Variants in EEIG2 observed in about 807,000 individuals in gnomAD.
EEIG2 encodes the protein family with sequence similarity 102 member B.
At chr1:108,638,179 A>G in the EEIG2 span, 1 of 152,132 alleles carries the variant, frequency 6.6e-6, no homozygotes, top group African/African-American at 2.4e-5. Context: ...CCCAGGCTCA[A>G]ATGAGCCTCC....
the EEIG2 span, among the ~76,000 whole-genome samples, chr1:108,571,363 C>T: frequency 6.6e-6 from 1 of 151,964 alleles, no homozygotes; most frequent in Non-Finnish European, 1.5e-5. Flanking sequence ...AGCCAGGTTT[C>T]GGTTAGACAA....
chr1:108,601,485 C>T, the EEIG2 span, among the ~76,000 whole-genome samples: 2 of 150,464 alleles, frequency 1.3e-5, no homozygotes, highest in Non-Finnish European at 3.0e-5. Context: ...ATATAATATA[C>T]TAAATAATAT....
At chr1:108,591,328 C>G in the EEIG2 span, among the ~76,000 whole-genome samples, 1 of 151,996 alleles carries the variant, frequency 6.6e-6, no homozygotes, top group Non-Finnish European at 1.5e-5. Flanking sequence ...GATTATCACA[C>G]ACAAAAAAAA....
At chr1:108,612,340 C>T in the EEIG2 span, 1 of 1,300,510 alleles carries the variant, frequency 7.7e-7, no homozygotes, top group African/African-American at 1.5e-5. Context: ...AATTATCTGC[C>T]TTTAAATAAG....
chr1:108,575,255 A>G, the EEIG2 span, among the ~76,000 whole-genome samples: 2 of 152,198 alleles, frequency 1.3e-5, no homozygotes, highest in East Asian at 3.9e-4. Flanking sequence ...ACATTCTATC[A>G]TCCCATTTTT....
At chr1:108,630,287 C>G in the EEIG2 span, among the ~76,000 whole-genome samples, 487 of 152,342 alleles carry the variant, frequency 3.2e-3, 4 homozygotes, top group African/African-American at 0.011. Context: ...CACTGCCATA[C>G]ATATTAAAAC....
chr1:108,618,202 C>G, the EEIG2 span, among the ~76,000 whole-genome samples: 2 of 152,164 alleles, frequency 1.3e-5, no homozygotes, highest in Non-Finnish European at 2.9e-5. Context: ...GGGACTGTTG[C>G]TAGAACAGCG....
At chr1:108,560,122 A>AGGCGGCGGCGGC in the EEIG2 span, 7,024 of 174,624 alleles carry the variant, frequency 0.04, 228 homozygotes, top group East Asian at 0.1. Flanking sequence ...GCGGCGGCGG[A>AGGCGGCGGCGGC]GGCGGCGGCG....
chr1:108,584,227 G>C, the EEIG2 span, among the ~76,000 whole-genome samples: 1 of 151,970 alleles, frequency 6.6e-6, no homozygotes, highest in African/African-American at 2.4e-5. Context: ...AGAAGGACTT[G>C]AACATGATTA....
At chr1:108,563,832 A>C in the EEIG2 span, among the ~76,000 whole-genome samples, 8 of 152,350 alleles carry the variant, frequency 5.3e-5, no homozygotes, top group African/African-American at 9.6e-5. Context: ...AGTGTGACTT[A>C]GTGCCCAATC....
the EEIG2 span, among the ~76,000 whole-genome samples, chr1:108,592,610 G>T: frequency 2.0e-5 from 3 of 152,134 alleles, no homozygotes; most frequent in African/African-American, 7.2e-5. Context: ...GAGCTTATTT[G>T]TGTCTTCATT....
chr1:108,604,865 CAAAAA>C, the EEIG2 span, among the ~76,000 whole-genome samples: 2 of 88,230 alleles, frequency 2.3e-5, no homozygotes, highest in Admixed American at 1.2e-4. Flanking sequence ...CCCACCTCTC[CAAAAA>C]AAAAAAAAAA....
the EEIG2 span, among the ~76,000 whole-genome samples, chr1:108,569,484 A>C: frequency 6.6e-6 from 1 of 152,078 alleles, no homozygotes; most frequent in Non-Finnish European, 1.5e-5. Flanking sequence ...GTGCCACATG[A>C]ACATGCTAAA....
chr1:108,579,772 T>TGTGTGAGAGAGAGAGAGA, the EEIG2 span, among the ~76,000 whole-genome samples: 260 of 58,868 alleles, frequency 4.4e-3, 2 homozygotes, highest in Non-Finnish European at 5.4e-3. Context: ...TGTGTGTGTG[T>TGTGTGAGAGAGAGAGAGA]GAGAGAGAGA....
chr1:108,628,606 T>C, the EEIG2 span: 1 of 1,576,920 alleles, frequency 6.3e-7, no homozygotes, highest in Non-Finnish European at 8.6e-7. Flanking sequence ...GTTTAAAGAA[T>C]AAATTTTAAT....
chr1:108,573,748 T>A, the EEIG2 span, among the ~76,000 whole-genome samples: 16 of 152,266 alleles, frequency 1.1e-4, no homozygotes, highest in East Asian at 3.1e-3. Context: ...AAAGAAGTTA[T>A]ACAAATGGCC....
chr1:108,560,428 G>T, the EEIG2 span: 1 of 1,596,194 alleles, frequency 6.3e-7, no homozygotes, highest in Non-Finnish European at 8.5e-7. Flanking sequence ...TGGCTCTCAC[G>T]ATGATGAAGA....
At chr1:108,579,984 C>T in the EEIG2 span, among the ~76,000 whole-genome samples, 12 of 151,964 alleles carry the variant, frequency 7.9e-5, no homozygotes, top group African/African-American at 2.7e-4. Context: ...GGGCTGGTCT[C>T]GAGCACTTGG....
At chr1:108,560,241 T>A in the EEIG2 span, 1 of 183,346 alleles carries the variant, frequency 5.5e-6, no homozygotes, top group Non-Finnish European at 1.0e-5. Flanking sequence ...GCCGCCGCGT[T>A]CCGGCCCAGG....
Sources: allele counts gnomAD v4.1 joint callset (sites outside exome capture counted in the v4.1 genomes callset), GRCh38; gene constraint gnomAD v4.1.1; transcripts MANE v1.5; gene names NCBI Gene and HGNC (gene_info 2026-07-23, HGNC 2026-07-21).